The following SNRPA variants were observed in gnomAD, a reference collection of about 807,000 sequenced individuals.
SNRPA encodes the protein small nuclear ribonucleoprotein polypeptide A.
In SNRPA, 10 loss-of-function variants were observed where a neutral mutation model predicts 24.5. That is an observed-to-expected ratio of 0.41 (90% CI 0.25 to 0.69). The LOEUF is 0.69. SNRPA is among the 30% of genes least tolerant of loss of function. The pLI is 0.33. For synonymous variants in SNRPA, 165 were observed against 148.4 expected, an observed-to-expected ratio of 1.11 and a Z score of -0.81; for missense variants, 283 against 394.7, an observed-to-expected ratio of 0.72 and a Z score of 2.40.
intron 1 of SNRPA, among the ~76,000 whole-genome samples, chr19:40,755,088 T>C (rs957937649): frequency 1.7e-4 from 26 of 152,090 alleles, no homozygotes; most frequent in African/African-American, 5.8e-4. Context: ...GCTTAGCTTT[T>C]TTTTTTGAGA....
chr19:40,761,458 CTTTTTTT>C (rs200242370), intron 3 of SNRPA, among the ~76,000 whole-genome samples: 72 of 85,872 alleles, frequency 8.4e-4, no homozygotes, highest in African/African-American at 2.2e-3. Flanking sequence ...TTTTCTTTTT[CTTTTTTT>C]TTTTTTTTTT....
chr19:40,751,270 T>C lies in SNRPA; in HGVS notation c.-139T>C. On this transcript the variant is annotated 5_prime_UTR_variant, in exon 1 of 6. Transcript: ENST00000243563. ...TGTTGTCGCGCTTTGCCTCCGTCCT[T>C]GCCCCTACTCCCGCCTTACCTGACT... The C allele has an allele frequency of 7.0e-6, 5 of 712,982 alleles. No individual in the cohort carries two copies. The highest frequency in any genetic ancestry group is 1.9e-5 in the Admixed American group (1 of 51,816). The allele number at this position is 712,982 out of a possible 1,614,324, so 44.2% of individuals were successfully genotyped here. A position where few individuals can be genotyped will look rare whatever the true frequency, so the allele number is the denominator to read the frequency against.
At chr19:40,756,230 C>G (rs7259158) in intron 1 of SNRPA, among the ~76,000 whole-genome samples, 2,144 of 151,372 alleles carry the variant, frequency 0.014, 64 homozygotes, top group African/African-American at 0.049. Context: ...CATCATGCCA[C>G]TGAACTCCAC....
chr19:40,756,534 T>C (rs939534232), intron 1 of SNRPA, among the ~76,000 whole-genome samples: 1 of 148,906 alleles, frequency 6.7e-6, no homozygotes, highest in African/African-American at 2.5e-5. Context: ...AGGTTGAGGC[T>C]ACGGTGAGCC....
Position 40,761,168 on chromosome 19 carries a change from T to C in SNRPA, c.426+1558T>C, listed in dbSNP as rs116980959. On this transcript the variant is annotated intron_variant, in intron 3 of 5. Transcript: ENST00000243563. ...CCTGCAGCAACCAACCAGGATGATA[T>C]ACAGTTGGCAGAAGGGTAGGAAGAC... Among the ~76,000 whole-genome samples the C allele has an allele frequency of 9.8e-3, 1,448 of 148,330 alleles. 12 individuals carry two copies. Among genetic ancestry groups the C allele is most frequent in the Non-Finnish European group, 0.014 (942 of 67,372 alleles).
At chr19:40,756,714 G>A (rs115527690) in intron 1 of SNRPA, among the ~76,000 whole-genome samples, 2,027 of 152,258 alleles carry the variant, frequency 0.013, 36 homozygotes, top group African/African-American at 0.046. Context: ...TACCATGACA[G>A]GAGGTGGGAA....
At chr19:40,751,587 C>A in intron 1 of SNRPA, 106 bp downstream of exon 1, 2 of 843,020 alleles carry the variant, frequency 2.4e-6, no homozygotes, top group South Asian at 1.3e-5. Flanking sequence ...AGCCAAACTT[C>A]GAGTTAACTC....
At chr19:40,764,554 C>T (rs938949538) in intron 5 of SNRPA, among the ~76,000 whole-genome samples, 13 of 152,030 alleles carry the variant, frequency 8.6e-5, no homozygotes, top group African/African-American at 2.9e-4. Context: ...AGGCCGGGTG[C>T]GGTGGCTCAC....
At chr19:40,762,255 T>G (rs1402609712) in intron 3 of SNRPA, among the ~76,000 whole-genome samples, 1 of 151,662 alleles carries the variant, frequency 6.6e-6, no homozygotes, top group Non-Finnish European at 1.5e-5. Context: ...CTTACTCTGT[T>G]GCCCAGGCTG....
At chr19:40,754,153 G>C (rs556799246) in intron 1 of SNRPA, among the ~76,000 whole-genome samples, 1 of 145,584 alleles carries the variant, frequency 6.9e-6, no homozygotes, top group Admixed American at 7.2e-5. Context: ...GCCCAGGCTG[G>C]AATGCAGTGG....
intron 3 of SNRPA, among the ~76,000 whole-genome samples, chr19:40,760,397 C>T (rs1042159066): frequency 6.6e-6 from 1 of 152,112 alleles, no homozygotes; most frequent in Non-Finnish European, 1.5e-5. Flanking sequence ...GTTTGCAGAA[C>T]GACTACACTG....
intron 1 of SNRPA, among the ~76,000 whole-genome samples, chr19:40,752,047 A>G (rs66743282): frequency 0.13 from 19,218 of 152,172 alleles, 1,375 homozygotes; most frequent in Middle Eastern, 0.19. Flanking sequence ...CAACTAAGAA[A>G]CTGGGGCCGG....
intron 3 of SNRPA, among the ~76,000 whole-genome samples, chr19:40,760,079 T>C (rs1719159927): frequency 6.6e-6 from 1 of 152,108 alleles, no homozygotes; most frequent in South Asian, 2.1e-4. Flanking sequence ...CAGGTTGGAG[T>C]GCAGTGGCGC....
intron 3 of SNRPA, among the ~76,000 whole-genome samples, chr19:40,762,003 T>C (rs569690429): frequency 9.2e-5 from 14 of 152,216 alleles, no homozygotes; most frequent in African/African-American, 3.1e-4. Flanking sequence ...TCACACTTTC[T>C]CCAAGTTGGT....
chr19:40,758,316 G>A (rs1459192879), intron 2 of SNRPA, among the ~76,000 whole-genome samples: 5 of 152,116 alleles, frequency 3.3e-5, no homozygotes. Context: ...ATGAAAGAGG[G>A]GTTTTTGTCT....
chr19:40,760,088 G>A lies in SNRPA; in HGVS notation c.426+478G>A, dbSNP rs534266592. Among the ~76,000 whole-genome samples, 9 of 152,160 alleles carry A rather than the reference G, an allele frequency of 5.9e-5. No individual in the cohort carries two copies. The South Asian group carries it at 1.2e-3, about 21-fold the overall frequency. On this transcript the variant is annotated intron_variant, in intron 3 of 5. Coordinates refer to ENST00000243563, the MANE Select transcript of SNRPA (RefSeq NM_004596.5). ...GTCACCCAGGTTGGAGTGCAGTGGC[G>A]CCATCACAGCTCACTACAACCTCCG...
In SNRPA at chr19:40,764,460, A is replaced by C. The variant is rs528890931; in HGVS notation, c.690-548A>C. Among the ~76,000 whole-genome samples the C allele has an allele frequency of 8.1e-4, 124 of 152,336 alleles. 2 individuals are homozygous for C. The highest frequency in any genetic ancestry group is 2.9e-3 in the African/African-American group (121 of 41,580). ...ATGGAAAAAAGGATACCTAGTAAACATGAGGATGGCTGCTTAATGGAGAAA... is the reference window on the plus strand; with the variant it reads ...ATGGAAAAAAGGATACCTAGTAAACCTGAGGATGGCTGCTTAATGGAGAAA... On this transcript the variant is annotated intron_variant, in intron 5 of 5. Coordinates refer to ENST00000243563, the MANE Select transcript of SNRPA (RefSeq NM_004596.5).
chr19:40,758,060 G>A (rs1170519364), intron 2 of SNRPA, among the ~76,000 whole-genome samples: 4 of 151,712 alleles, frequency 2.6e-5, no homozygotes, highest in African/African-American at 4.8e-5. Flanking sequence ...TCCACCTCCC[G>A]GGTTCAAGTG....
At chr19:40,755,845 A>G (rs2082906422) in intron 1 of SNRPA, among the ~76,000 whole-genome samples, 1 of 152,202 alleles carries the variant, frequency 6.6e-6, no homozygotes, top group African/African-American at 2.4e-5. Context: ...GGGCTCTGCC[A>G]TACGCTTCCT....
Sources: gnomAD v4.1 joint callset for allele counts (sites outside exome capture counted in the v4.1 genomes callset) on GRCh38, gnomAD v4.1.1 for gene constraint, MANE v1.5 for transcripts, NCBI Gene and HGNC (gene_info 2026-07-23, HGNC 2026-07-21) for gene names.